The following GABRG3 variants were observed in gnomAD, a reference collection of about 807,000 sequenced individuals.
The protein encoded by GABRG3 is gamma-aminobutyric acid receptor subunit gamma-3.
In GABRG3, 25 loss-of-function variants were observed where a neutral mutation model predicts 48.8. The ratio of observed to expected loss-of-function variants is 0.51; its 90% confidence interval spans 0.37 to 0.72. The LOEUF is 0.72. Among genes scored for constraint, GABRG3 ranks in the 30% least tolerant of loss-of-function variants. GABRG3 has a pLI of 0.00. For missense variants in GABRG3, 394 were observed against 577.9 expected, an observed-to-expected ratio of 0.68 and a Z score of 3.26; for synonymous variants, 227 against 217.6, an observed-to-expected ratio of 1.04 and a Z score of -0.38.
Position 27,019,055 on chromosome 15 carries a change from C to CT in GABRG3, c.203-7668dup, listed in dbSNP as rs9331868. Among the ~76,000 whole-genome samples the CT allele has an allele frequency of 3.7e-3, 156 of 42,034 alleles. 38 individuals are homozygous for CT. Among genetic ancestry groups the CT allele is most frequent in the African/African-American group, 0.01 (99 of 9,544 alleles). 27.6% of individuals were successfully genotyped at this position (42,034 alleles called of 152,430 possible). A position where few individuals can be genotyped will look rare whatever the true frequency, so the allele number is the denominator to read the frequency against. ...CATTGAAGTATTTGTTCCCTAGAGTCTTTTTTTTTTTTTTTTTTTTTTTTT... is the reference window on the plus strand; with the variant it reads ...CATTGAAGTATTTGTTCCCTAGAGTCTTTTTTTTTTTTTTTTTTTTTTTTTT... On this transcript the variant is annotated intron_variant, in intron 2 of 9. Coordinates refer to ENST00000615808, the MANE Select transcript of GABRG3 (RefSeq NM_033223.5).
intron 6 of GABRG3, among the ~76,000 whole-genome samples, chr15:27,485,281 A>G (rs1890194493): frequency 1.3e-5 from 2 of 152,208 alleles, no homozygotes; most frequent in African/African-American, 4.8e-5. Context: ...TAAAATACCT[A>G]TAAGCCATTA....
At chr15:27,353,017 T>G (rs1321162947) in intron 5 of GABRG3, among the ~76,000 whole-genome samples, 1 of 152,140 alleles carries the variant, frequency 6.6e-6, no homozygotes, top group Non-Finnish European at 1.5e-5. Context: ...CTGTGTTCCT[T>G]CATGTTCTTT....
At chr15:27,144,111 T>G (rs1478971353) in intron 3 of GABRG3, among the ~76,000 whole-genome samples, 1 of 152,194 alleles carries the variant, frequency 6.6e-6, no homozygotes, top group East Asian at 1.9e-4. Context: ...ATAACAATGC[T>G]GACAATTGGC....
Position 27,096,836 on chromosome 15 carries a change from A to G in GABRG3, c.270+70015A>G, listed in dbSNP as rs185959120. Reference sequence around the variant, plus strand: ...AATGAGATTCTTTTCTTTTCTTTCTATCTTTTTTTTTTTTTTTTTTGGGAG... The same window carrying G: ...AATGAGATTCTTTTCTTTTCTTTCTGTCTTTTTTTTTTTTTTTTTTGGGAG... On this transcript the variant is annotated intron_variant, in intron 3 of 9. Coordinates refer to ENST00000615808, the MANE Select transcript of GABRG3 (RefSeq NM_033223.5). Among the ~76,000 whole-genome samples the G allele has an allele frequency of 1.7e-3, 194 of 114,130 alleles. 1 individual carries two copies. Among genetic ancestry groups the G allele is most frequent in the African/African-American group, 6.6e-3 (185 of 27,996 alleles). 74.9% of individuals were successfully genotyped at this position (114,130 alleles called of 152,430 possible). A position where few individuals can be genotyped will look rare whatever the true frequency, so the allele number is the denominator to read the frequency against.
intron 5 of GABRG3, among the ~76,000 whole-genome samples, chr15:27,390,927 A>G (rs1418618958): frequency 6.6e-6 from 1 of 152,124 alleles, no homozygotes; most frequent in Non-Finnish European, 1.5e-5. Context: ...CATCTCTACT[A>G]AAAATACAAA....
At chr15:27,067,396 G>A (rs17137601) in intron 3 of GABRG3, among the ~76,000 whole-genome samples, 31,578 of 152,170 alleles carry the variant, frequency 0.21, 3,409 homozygotes, top group Middle Eastern at 0.27. Context: ...GTATGATGGA[G>A]GGAGCGTGTT....
chr15:27,248,793 CACACACACACAG>C (rs1332369115), intron 3 of GABRG3, among the ~76,000 whole-genome samples: 7 of 117,926 alleles, frequency 5.9e-5, no homozygotes, highest in South Asian at 3.0e-4. Flanking sequence ...CACACACACA[CACACACACACAG>C]AGAGAGAGAG....
intron 3 of GABRG3, among the ~76,000 whole-genome samples, chr15:27,165,924 A>ATAT (rs1053342457): frequency 6.6e-6 from 1 of 152,122 alleles, no homozygotes; most frequent in African/African-American, 2.4e-5. Flanking sequence ...GGCATGGCAT[A>ATAT]AGTCCAAGAA....
chr15:27,091,847 C>T lies in GABRG3; in HGVS notation c.270+65026C>T, dbSNP rs544372205. On this transcript the variant is annotated intron_variant, in intron 3 of 9. Transcript: ENST00000615808. ...TGTACTGCATCGTGGGGCAGAGCTA[C>T]GGCAAGCTAAAATCCTGCAGTGTTC... 4.7e-4 allele frequency among the ~76,000 whole-genome samples: 72 copies of T among 152,296 alleles called. 1 individual carries two copies. Among genetic ancestry groups the T allele is most frequent in the Middle Eastern group, 6.8e-3 (2 of 294 alleles).
intron 3 of GABRG3, among the ~76,000 whole-genome samples, chr15:27,306,598 C>CAT (rs200334772): frequency 0.029 from 3,495 of 119,804 alleles, 400 homozygotes; most frequent in African/African-American, 0.11. Context: ...ATAATATAAA[C>CAT]ATATGTTTAT....
chr15:27,352,212 T>C lies in GABRG3; in HGVS notation c.574+23324T>C, dbSNP rs1291243144. Reference sequence around the variant, plus strand: ...TGTGTATCTTGGATCCTTTTAAGACTGCGTGGCAGTGTAGGGATTCTGCCA... The same window carrying C: ...TGTGTATCTTGGATCCTTTTAAGACCGCGTGGCAGTGTAGGGATTCTGCCA... On this transcript the variant is annotated intron_variant, in intron 5 of 9. Transcript: ENST00000615808. The surrounding 1 kb of genome is among the most constrained non-coding windows in gnomAD (Gnocchi z 4.0). 6.6e-6 allele frequency among the ~76,000 whole-genome samples: 1 copy of C among 151,778 alleles called. No individual in the cohort carries two copies. The highest frequency in any genetic ancestry group is 1.5e-5 in the Non-Finnish European group (1 of 67,952).
intron 3 of GABRG3, among the ~76,000 whole-genome samples, chr15:27,249,882 A>G (rs777990996): frequency 3.0e-4 from 46 of 152,140 alleles, no homozygotes; most frequent in Non-Finnish European, 8.8e-5. Context: ...AGATAATTAC[A>G]TTATCATAAT....
intron 3 of GABRG3, among the ~76,000 whole-genome samples, chr15:27,223,407 G>C (rs1016547396): frequency 6.6e-6 from 1 of 152,090 alleles, no homozygotes; most frequent in Non-Finnish European, 1.5e-5. Flanking sequence ...GCTGGAGGGT[G>C]GATTTCCTGA....
At position 27,294,036 on chromosome 15, in the gene GABRG3, A is replaced by G. The variant is rs116149086; in HGVS notation, c.271-32773A>G. Among the ~76,000 whole-genome samples, 1,008 of 152,202 alleles carry G rather than the reference A, an allele frequency of 6.6e-3. 16 individuals carry two copies. The highest frequency in any genetic ancestry group is 0.023 in the African/African-American group (960 of 41,506). ...GTGGGATTGTGATTCAAATTAGGAT[A>G]TCAGAATTGGCTCCATTAAGTATGA... is the stretch of plus-strand genomic sequence containing the variant. On this transcript the variant is annotated intron_variant, in intron 3 of 9. Coordinates refer to ENST00000615808, the MANE Select transcript of GABRG3 (RefSeq NM_033223.5).
chr15:27,039,935 A>G (rs1896245739), intron 3 of GABRG3, among the ~76,000 whole-genome samples: 2 of 152,104 alleles, frequency 1.3e-5, no homozygotes, highest in Admixed American at 6.5e-5. Context: ...CTCTTATTTC[A>G]TCTTCCCAGG....
chr15:27,163,265 C>T (rs576735222), intron 3 of GABRG3, among the ~76,000 whole-genome samples: 2 of 152,148 alleles, frequency 1.3e-5, no homozygotes, highest in East Asian at 3.9e-4. Context: ...TTTGGAAAAC[C>T]AAGGAGGGAG....
At chr15:27,528,073 G>GATGC (rs1401803199) in intron 9 of GABRG3, 81 bp downstream of exon 9, 2 of 1,011,766 alleles carry the variant, frequency 2.0e-6, no homozygotes, top group Admixed American at 2.0e-5. Context: ...GATTGCTGTT[G>GATGC]ATGCATGCAT....
intron 6 of GABRG3, among the ~76,000 whole-genome samples, chr15:27,508,715 CTGTTGTTGTTGT>C (rs754481321): frequency 1.8e-4 from 27 of 150,738 alleles, no homozygotes; most frequent in Admixed American, 1.8e-3. Flanking sequence ...GTTGTTGTTG[CTGTTGTTGTTGT>C]TGTTGAGATG....
intron 2 of GABRG3, 22 bp from the exon 3 acceptor site, chr15:27,026,732 A>G (rs1895989692): frequency 1.3e-6 from 2 of 1,591,926 alleles, no homozygotes; most frequent in African/African-American, 2.7e-5. Flanking sequence ...AAGTATTAAC[A>G]TACATGTATT....
Sources: allele counts gnomAD v4.1 joint callset (sites outside exome capture counted in the v4.1 genomes callset), GRCh38; gene constraint gnomAD v4.1.1; non-coding constraint Gnocchi (gnomAD v3.1); transcripts MANE v1.5; gene names NCBI Gene and HGNC (gene_info 2026-07-23, HGNC 2026-07-21).